SSBP2: variants seen among roughly 807,000 people sequenced by gnomAD.
SSBP2 encodes the protein single-stranded DNA-binding protein 2.
In SSBP2, 17 loss-of-function variants were observed where a neutral mutation model predicts 61.8. The ratio of observed to expected loss-of-function variants is 0.28; its 90% CI spans 0.19 to 0.41. The LOEUF (loss-of-function observed/expected upper bound fraction) is 0.41, where lower values mean the gene tolerates loss of function less well. SSBP2 is among the 10% of genes least tolerant of loss of function. The pLI is 1.00. For missense variants in SSBP2, 310 were observed against 458.7 expected, an observed-to-expected ratio of 0.68 and a Z score of 2.96; for synonymous variants, 139 against 141.3, an observed-to-expected ratio of 0.98 and a Z score of 0.12.
At chr5:81,640,507 G>A (rs924053399) in intron 2 of SSBP2, among the ~76,000 whole-genome samples, 18 of 151,880 alleles carry the variant, frequency 1.2e-4, no homozygotes, top group African/African-American at 3.9e-4. Context: ...TATCCTAAGT[G>A]GTAATACAAA....
chr5:81,451,258 T>C (rs780590418), intron 10 of SSBP2, among the ~76,000 whole-genome samples: 1 of 152,186 alleles, frequency 6.6e-6, no homozygotes, highest in Non-Finnish European at 1.5e-5. Context: ...GCTATCGTGC[T>C]CTTACTATAC....
At chr5:81,628,321 G>A (rs930793078) in intron 3 of SSBP2, among the ~76,000 whole-genome samples, 3 of 152,100 alleles carry the variant, frequency 2.0e-5, no homozygotes, top group East Asian at 1.9e-4. Flanking sequence ...TGGGGGAATC[G>A]CCCTCATGAT....
At chr5:81,673,407 T>G (rs1320381857) in intron 1 of SSBP2, among the ~76,000 whole-genome samples, 1 of 152,116 alleles carries the variant, frequency 6.6e-6, no homozygotes, top group Non-Finnish European at 1.5e-5. Context: ...CCATTAAGAC[T>G]AACTTAACAA....
At chr5:81,528,250 A>G (rs1299660419) in intron 4 of SSBP2, among the ~76,000 whole-genome samples, 1 of 152,072 alleles carries the variant, frequency 6.6e-6, no homozygotes, top group Non-Finnish European at 1.5e-5. Flanking sequence ...AATAAATGAT[A>G]TGTCATTTAT....
At chr5:81,490,042 A>AG (rs1381534784) in intron 5 of SSBP2, among the ~76,000 whole-genome samples, 1 of 152,100 alleles carries the variant, frequency 6.6e-6, no homozygotes, top group Non-Finnish European at 1.5e-5. Flanking sequence ...AAAAAAAAAA[A>AG]AAAAATTGAC....
In SSBP2 at chr5:81,470,124, A is replaced by G. The variant is rs1480319776; in HGVS notation, c.571-3083T>C. 9.2e-5 allele frequency among the ~76,000 whole-genome samples: 14 copies of G among 151,938 alleles called. No individual in the cohort carries two copies. The East Asian group carries it at 2.5e-3, about 27-fold the overall frequency. On this transcript the variant is annotated intron_variant, in intron 8 of 16. Coordinates refer to ENST00000320672, the MANE Select transcript of SSBP2 (RefSeq NM_012446.5). The stretch of plus-strand genomic sequence containing the variant: ...ACCTCACCATTTTTCCACTCCAAGT[A>G]TCTTATTTGGAAATCATAAGTTTCT...
chr5:81,582,900 C>T (rs1346088135), intron 4 of SSBP2, among the ~76,000 whole-genome samples: 1 of 152,010 alleles, frequency 6.6e-6, no homozygotes, highest in African/African-American at 2.4e-5. Context: ...GCCTTACTGT[C>T]TTCTTTTAAC....
intron 1 of SSBP2, among the ~76,000 whole-genome samples, chr5:81,677,393 A>G (rs1752060810): frequency 6.6e-6 from 1 of 152,138 alleles, no homozygotes; most frequent in South Asian, 2.1e-4. Flanking sequence ...AGCTTACCAT[A>G]AGAAACAAAC....
intron 16 of SSBP2, among the ~76,000 whole-genome samples, chr5:81,428,195 T>C (rs1762072078): frequency 6.6e-6 from 1 of 152,174 alleles, no homozygotes; most frequent in South Asian, 2.1e-4. Flanking sequence ...TCCAGTGAGG[T>C]CTACTATATA....
intron 8 of SSBP2, among the ~76,000 whole-genome samples, chr5:81,468,136 C>T (rs1251327399): frequency 6.6e-6 from 1 of 151,986 alleles, no homozygotes; most frequent in Admixed American, 6.6e-5. Flanking sequence ...CTGCTTTCCT[C>T]GTCACTTCTG....
intron 1 of SSBP2, among the ~76,000 whole-genome samples, chr5:81,700,786 C>T (rs1284675380): frequency 1.3e-5 from 2 of 152,200 alleles, no homozygotes; most frequent in African/African-American, 4.8e-5. Context: ...CCAACCTCTG[C>T]TAGCTTCAAA....
intron 1 of SSBP2, among the ~76,000 whole-genome samples, chr5:81,679,514 T>C (rs1213969034): frequency 6.6e-6 from 1 of 152,218 alleles, no homozygotes; most frequent in Non-Finnish European, 1.5e-5. Flanking sequence ...ATAGTGTTAT[T>C]TGAAAGTGAA....
At chr5:81,565,220 T>C (rs1195080978) in intron 4 of SSBP2, among the ~76,000 whole-genome samples, 1 of 152,156 alleles carries the variant, frequency 6.6e-6, no homozygotes, top group Non-Finnish European at 1.5e-5. Flanking sequence ...TGGAGCACAA[T>C]ATCTGAAATT....
intron 1 of SSBP2, among the ~76,000 whole-genome samples, chr5:81,742,405 G>A (rs955739430): frequency 1.3e-5 from 2 of 152,182 alleles, no homozygotes; most frequent in African/African-American, 2.4e-5. Context: ...TAGATACGGT[G>A]ATAGACTATT....
chr5:81,726,098 C>A (rs1418212726), intron 1 of SSBP2, among the ~76,000 whole-genome samples: 7 of 151,984 alleles, frequency 4.6e-5, no homozygotes, highest in Non-Finnish European at 4.4e-5. Flanking sequence ...TCTATGTAGG[C>A]AGAGAATTAG....
intron 3 of SSBP2, among the ~76,000 whole-genome samples, chr5:81,634,735 T>C (rs1463916721): frequency 3.9e-5 from 6 of 152,212 alleles, no homozygotes; most frequent in Non-Finnish European, 5.9e-5. Context: ...TCCCATGTGC[T>C]ATACTCTCTC....
chr5:81,629,703 T>C (rs1224796124), intron 3 of SSBP2, among the ~76,000 whole-genome samples: 1 of 152,228 alleles, frequency 6.6e-6, no homozygotes, highest in Non-Finnish European at 1.5e-5. Context: ...TCCAGCTTTA[T>C]AGAGGTATGG....
intron 15 of SSBP2, among the ~76,000 whole-genome samples, chr5:81,436,069 T>G (rs1398567865): frequency 6.6e-6 from 1 of 151,200 alleles, no homozygotes; most frequent in East Asian, 2.0e-4. Flanking sequence ...GAGCCTTTAG[T>G]CCTAGCTACT....
intron 7 of SSBP2, 132 bp from the exon 8 acceptor site, chr5:81,473,902 C>T: frequency 1.3e-6 from 1 of 772,158 alleles, no homozygotes; most frequent in Non-Finnish European, 2.2e-6. Context: ...CTTACCTTGG[C>T]TTCCAGACCA....
Sources: allele counts gnomAD v4.1 joint callset (sites outside exome capture counted in the v4.1 genomes callset), GRCh38; gene constraint gnomAD v4.1.1; transcripts MANE v1.5; gene names NCBI Gene and HGNC (gene_info 2026-07-23, HGNC 2026-07-21).